Variants in NR1D1 observed in about 807,000 individuals in gnomAD.
NR1D1 encodes the protein nuclear receptor subfamily 1 group D member 1.
Under a neutral mutation model 51.1 loss-of-function variants are expected in NR1D1, and 17 were observed. That is an observed-to-expected ratio of 0.33 (90% CI 0.23 to 0.50). The LOEUF (loss-of-function observed/expected upper bound fraction) is 0.50. NR1D1 is among the 20% of genes least tolerant of loss of function. The pLI is 0.98. For missense variants in NR1D1, 647 were observed against 830.4 expected (o/e 0.78, Z 2.71); for synonymous variants, 341 against 333.4 (o/e 1.02, Z -0.25).
intron 1 of NR1D1, 46 bp downstream of exon 1, chr17:40,100,018 G>T: frequency 7.1e-7 from 1 of 1,417,108 alleles, no homozygotes; most frequent in Non-Finnish European, 1.0e-6. Flanking sequence ...GATGGAGGTG[G>T]GGAGACAGTG....
chr17:40,098,402 A>G (rs1208000573), intron 1 of NR1D1, among the ~76,000 whole-genome samples: 1 of 152,178 alleles, frequency 6.6e-6, no homozygotes, highest in African/African-American at 2.4e-5. Context: ...AAATAGCTCA[A>G]GGTTGGTCAG....
Position 40,097,352 on chromosome 17 carries a change from C to G in NR1D1, c.83G>C (p.Ser28Thr), listed in dbSNP as rs1340877632. Residue 28 changes from serine (S) to threonine (T), a missense_variant, in exon 2 of 8, where the codon AGC (serine) becomes ACC (threonine). By Grantham distance (58) the Ser-to-Thr change is moderately conservative. Transcript: ENST00000246672. ...GSSGSSPSRT[S>T]PESLYSDNSN... The stretch of plus-strand genomic sequence containing the variant: ...GTTGTCACTATAGAGGGATTCAGGG[C>G]TGGTGCGGCTTGGGGAGGAGCCACT... 2 of 1,613,608 alleles carry G rather than the reference C, an allele frequency of 1.2e-6. No homozygotes were observed. Among genetic ancestry groups the G allele is most frequent in the Non-Finnish European group, 1.7e-6 (2 of 1,179,844 alleles).
At chr17:40,094,154 G>A (rs373613473) in intron 6 of NR1D1, 32 bp from the exon 7 acceptor site, 24 of 1,602,010 alleles carry the variant, frequency 1.5e-5, no homozygotes, top group African/African-American at 2.7e-5. Flanking sequence ...CATCCTGGGT[G>A]TGGTGGGAGG....
chr17:40,098,649 G>A (rs117038965), intron 1 of NR1D1, among the ~76,000 whole-genome samples: 1 of 152,292 alleles, frequency 6.6e-6, no homozygotes, highest in South Asian at 2.1e-4. Context: ...TGACCTAGAG[G>A]ACATCAACTC....
rs1460969190 is a variant in NR1D1, at chr17:40,095,849, A to G, written c.843T>C (p.Pro281=). 1 of 1,611,858 alleles carries G rather than the reference A, an allele frequency of 6.2e-7. No individual in the cohort carries two copies. Among genetic ancestry groups the G allele is most frequent in the Non-Finnish European group, 8.5e-7 (1 of 1,179,402 alleles). ...QQLTPPRSPS[P]EPTVEDVISQ... is the part of the protein sequence containing the mutation. Reference sequence around the variant, plus strand: ...ATATCACATCCTCCACTGTGGGCTCAGGGCTTGGGGATCTGGGAGGCGTCA... The same window carrying G: ...ATATCACATCCTCCACTGTGGGCTCGGGGCTTGGGGATCTGGGAGGCGTCA... The change falls in exon 5 of 8, where the codon CCT becomes CCC. Residue 281 remains proline, a synonymous_variant. Transcript: ENST00000246672.
Position 40,097,140 on chromosome 17 carries a change from G to A in NR1D1, c.295C>T (p.Pro99Ser). The A allele has an allele frequency of 3.1e-6, 5 of 1,611,268 alleles. No individual in the cohort carries two copies. The highest frequency in any genetic ancestry group is 4.2e-6 in the Non-Finnish European group (5 of 1,178,530). Residue 99 changes from proline to serine, a missense_variant, in exon 2 of 8, where the codon CCC (proline) becomes TCC (serine). Around this residue, in one of 7 missense-constraint regions of NR1D1, gnomAD observed 98 missense variants for 94.7 expected, o/e 1.03. Transcript: ENST00000246672. ...SSSSSFYNGSPPGSLQVAMED... is the reference protein window; with the variant it reads ...SSSSSFYNGSSPGSLQVAMED... ...ATGGCCACTTGTAGACTCCCAGGGG[G>A]GCTCCCATTATAGAAGGAGGAGGAG...
chr17:40,096,432 T>C lies in NR1D1; in HGVS notation c.604+11A>G. ...GGAAGAAGGGGGGAGGATGTGGGGA[T>C]GCTGCCTCACCGTCTCGAGACATGC... On this transcript the variant is annotated intron_variant, in intron 4 of 7. Coordinates refer to ENST00000246672, the MANE Select transcript of NR1D1 (RefSeq NM_021724.5). 1.9e-6 allele frequency: 3 copies of C among 1,614,170 alleles called. No individual in the cohort carries two copies. Among genetic ancestry groups the C allele is most frequent in the Non-Finnish European group, 2.5e-6 (3 of 1,179,982 alleles).
chr17:40,094,636 G>A (rs367919642), intron 6 of NR1D1, among the ~76,000 whole-genome samples: 6 of 152,348 alleles, frequency 3.9e-5, no homozygotes, highest in East Asian at 3.9e-4. Flanking sequence ...AATGGCTCAC[G>A]CCTGTAATCC....
Position 40,100,390 on chromosome 17 carries a change from C to G in NR1D1, c.-296G>C. ...GAAGGTAGCAAGGAGGGTCGGGTCT[C>G]TGCAGTGTACGGGGTGCCTCTGCCT... On this transcript the variant is annotated 5_prime_UTR_variant, in exon 1 of 8. Coordinates refer to ENST00000246672, the MANE Select transcript of NR1D1 (RefSeq NM_021724.5). 1 of 558,508 alleles carries G rather than the reference C, an allele frequency of 1.8e-6. No homozygotes were observed. The highest frequency in any genetic ancestry group is 2.3e-5 in the South Asian group (1 of 43,430). 34.6% of individuals were successfully genotyped at this position (558,508 alleles called of 1,614,324 possible).
At chr17:40,099,857 T>C (rs753615792) in intron 1 of NR1D1, among the ~76,000 whole-genome samples, 1 of 152,022 alleles carries the variant, frequency 6.6e-6, no homozygotes, top group African/African-American at 2.4e-5. Flanking sequence ...TTTGGGACTC[T>C]GAGGGGTGGT....
At chr17:40,097,025 C>T in intron 2 of NR1D1, 40 bp downstream of exon 2, 2 of 1,543,320 alleles carry the variant, frequency 1.3e-6, no homozygotes, top group Non-Finnish European at 1.8e-6. Context: ...CTGGCCCTGG[C>T]CTGCTTCCCT....
chr17:40,096,300 C>T (rs897084800), intron 4 of NR1D1, 143 bp downstream of exon 4: 3 of 1,340,258 alleles, frequency 2.2e-6, no homozygotes, highest in African/African-American at 3.2e-5. Flanking sequence ...TATATGTTGA[C>T]CCAAGCAAAT....
At chr17:40,098,521 G>C (rs1009428178) in intron 1 of NR1D1, among the ~76,000 whole-genome samples, 2 of 152,196 alleles carry the variant, frequency 1.3e-5, no homozygotes, top group Non-Finnish European at 2.9e-5. Flanking sequence ...AGTTGACCTA[G>C]TTCACCCATC....
intron 1 of NR1D1, among the ~76,000 whole-genome samples, chr17:40,098,847 T>A (rs1987815548): frequency 6.6e-6 from 1 of 152,026 alleles, no homozygotes; most frequent in Non-Finnish European, 1.5e-5. Context: ...GAATTTGTAA[T>A]GTGGGGAAGC....
chr17:40,093,373 C>T lies in NR1D1; in HGVS notation c.1646-91G>A, dbSNP rs1233012465. 6 of 1,610,748 alleles carry T rather than the reference C, an allele frequency of 3.7e-6. No individual in the cohort carries two copies. The highest frequency in any genetic ancestry group is 2.2e-5 in the East Asian group (1 of 44,862). ...GCGAGGACCTGGCAGGCAATGCAGCCTCTCCCTGAAGCCCCCCAGAAGGCC... is the reference window on the plus strand; with the variant it reads ...GCGAGGACCTGGCAGGCAATGCAGCTTCTCCCTGAAGCCCCCCAGAAGGCC... On this transcript the variant is annotated intron_variant, in intron 7 of 7. Transcript: ENST00000246672. This position sits in a 1 kb window ranked among gnomAD's most constrained non-coding sequence, Gnocchi z 5.9.
At chr17:40,095,170 G>A (rs1438095031) in intron 5 of NR1D1, 50 bp from the exon 6 acceptor site, 1 of 1,561,848 alleles carries the variant, frequency 6.4e-7, no homozygotes, top group African/African-American at 1.3e-5. Flanking sequence ...GGCTGGGTCA[G>A]ATGGACGCCC....
Position 40,096,520 on chromosome 17 carries a change from G to A in NR1D1, c.527C>T (p.Ser176Phe). Residue 176 changes from serine (S) to phenylalanine (F), a missense_variant, in exon 4 of 8, where the codon TCC (serine) becomes TTC (phenylalanine). Transcript: ENST00000246672. ...YKRCLKNENC[S>F]IVRINRNRCQ... ...GCGGTTGCGATTGATGCGGACGATG[G>A]AGCAATTCTCATTCTTCAGACACCT... The A allele has an allele frequency of 6.2e-7, 1 of 1,614,206 alleles. No individual in the cohort carries two copies. The highest frequency in any genetic ancestry group is 8.5e-7 in the Non-Finnish European group (1 of 1,180,026).
chr17:40,096,844 C>T, intron 2 of NR1D1, 65 bp from the exon 3 acceptor site: 1 of 1,510,880 alleles, frequency 6.6e-7, no homozygotes. Context: ...GGTGTGGAGG[C>T]TTTCTGGGCC....
At chr17:40,097,442 A>C in intron 1 of NR1D1, 39 bp from the exon 2 acceptor site, 4 of 1,523,034 alleles carry the variant, frequency 2.6e-6, no homozygotes, top group Non-Finnish European at 3.6e-6. Flanking sequence ...GTCAGCCGCC[A>C]TGTCTCCGGA....
Sources: gnomAD v4.1 joint callset for allele counts (sites outside exome capture counted in the v4.1 genomes callset) on GRCh38, gnomAD v4.1.1 for gene constraint, gnomAD v4.1.1 regional missense constraint, Gnocchi (gnomAD v3.1) non-coding constraint, MANE v1.5 for transcripts, NCBI Gene and HGNC (gene_info 2026-07-23, HGNC 2026-07-21) for gene names.